The following ARPC1A variants were observed in gnomAD, a reference collection of about 807,000 sequenced individuals.
The protein encoded by ARPC1A is actin-related protein 2/3 complex subunit 1A.
ARPC1A carries 8 observed loss-of-function variants against 46.9 expected under a neutral mutation model. The observed-to-expected ratio is 0.17, with a 90% CI of 0.10 to 0.31. The LOEUF (loss-of-function observed/expected upper bound fraction) is 0.31, where lower values mean the gene tolerates loss of function less well. ARPC1A is among the 10% of genes least tolerant of loss of function. The pLI, the probability that ARPC1A is intolerant of heterozygous loss-of-function variation, is 1.00. For missense variants in ARPC1A, 286 were observed against 483.6 expected (o/e 0.59, Z 3.83); for synonymous variants, 152 against 169.0 (o/e 0.90, Z 0.78).
At chr7:99,352,573 T>C (rs1793561319) in intron 5 of ARPC1A, among the ~76,000 whole-genome samples, 1 of 151,678 alleles carries the variant, frequency 6.6e-6, no homozygotes, top group African/African-American at 2.4e-5. Context: ...GGAGGATCAC[T>C]TGAGCCCAGA....
intron 6 of ARPC1A, 94 bp from the exon 7 acceptor site, chr7:99,358,246 G>T: frequency 8.1e-7 from 1 of 1,241,356 alleles, no homozygotes; most frequent in Non-Finnish European, 1.2e-6. Flanking sequence ...TACTGCAGAA[G>T]CCCCTGTGAG....
chr7:99,364,356 T>C (rs1233829174), intron 9 of ARPC1A, among the ~76,000 whole-genome samples: 2 of 138,990 alleles, frequency 1.4e-5, no homozygotes, highest in Non-Finnish European at 3.0e-5. Flanking sequence ...CACCACAACC[T>C]CCGCCTCTGG....
chr7:99,353,117 TGTTATGTTATG>T lies in ARPC1A; in HGVS notation c.501-791_501-781del. On this transcript the variant is annotated intron_variant, in intron 5 of 9. Transcript: ENST00000262942. ...TTTTAGTTTAGTTTAGTTTAGTTTA[TGTTATGTTATG>T]TTATGTTATGTTATGTTATGTTATG... Among the ~76,000 whole-genome samples the T allele has an allele frequency of 9.8e-5, 3 of 30,480 alleles. No homozygotes were observed. In the African/African-American group the frequency reaches 1.2e-3, roughly 12 times the overall value. 20.0% of individuals were successfully genotyped at this position (30,480 alleles called of 152,430 possible).
chr7:99,349,885 C>G (rs1307557958), intron 5 of ARPC1A, among the ~76,000 whole-genome samples: 1 of 151,718 alleles, frequency 6.6e-6, no homozygotes, highest in Non-Finnish European at 1.5e-5. Flanking sequence ...GTCACAAATG[C>G]CTGTAATCCC....
chr7:99,340,138 T>C, intron 3 of ARPC1A: 3 of 401,078 alleles, frequency 7.5e-6, no homozygotes, highest in South Asian at 5.1e-5. Flanking sequence ...AGTTTTTGTC[T>C]TTTTTCTGTT....
Position 99,333,202 on chromosome 7 carries a change from T to C in ARPC1A, c.-29-123T>C. 4.3e-6 allele frequency: 3 copies of C among 704,844 alleles called. No homozygotes were observed. The Admixed American group carries it at 8.1e-5, about 19-fold the overall frequency. The allele number at this position is 704,844 out of a possible 1,614,324, so 43.7% of individuals were successfully genotyped here. A position where few individuals can be genotyped will look rare whatever the true frequency, so the allele number is the denominator to read the frequency against. ...GAGCCACCGTGCCTGGCCAGATTAT[T>C]TTTTAATGGGAGGACAATGTTTTAT... On this transcript the variant is annotated intron_variant, in intron 1 of 9. Transcript: ENST00000262942.
chr7:99,332,767 A>G (rs1793167230), intron 1 of ARPC1A, among the ~76,000 whole-genome samples: 1 of 151,200 alleles, frequency 6.6e-6, no homozygotes, highest in South Asian at 2.1e-4. Flanking sequence ...ATGCCCGGCT[A>G]ATTTTTTGTA....
intron 8 of ARPC1A, 134 bp downstream of exon 8, chr7:99,359,872 A>C: frequency 9.4e-7 from 1 of 1,059,814 alleles, no homozygotes; most frequent in South Asian, 1.5e-5. Flanking sequence ...TGCAGCAAGA[A>C]GTCTGTATCT....
At chr7:99,364,218 G>T (rs1793789033) in intron 9 of ARPC1A, among the ~76,000 whole-genome samples, 1 of 150,948 alleles carries the variant, frequency 6.6e-6, no homozygotes, top group Non-Finnish European at 1.5e-5. Flanking sequence ...GCCTCCCAAA[G>T]TGGTGGGATT....
intron 7 of ARPC1A, 68 bp from the exon 8 acceptor site, chr7:99,359,477 G>C: frequency 1.4e-6 from 2 of 1,401,670 alleles, no homozygotes; most frequent in Non-Finnish European, 2.0e-6. Context: ...CTGTCGTGGT[G>C]AACACTCTGC....
At chr7:99,334,598 A>C (rs1439783187) in intron 2 of ARPC1A, among the ~76,000 whole-genome samples, 1 of 152,004 alleles carries the variant, frequency 6.6e-6, no homozygotes, top group Non-Finnish European at 1.5e-5. Context: ...ATTTTGAGTT[A>C]ATTTTTGTGT....
At chr7:99,339,671 A>G (rs1793326967) in intron 3 of ARPC1A, among the ~76,000 whole-genome samples, 1 of 152,202 alleles carries the variant, frequency 6.6e-6, no homozygotes, top group Non-Finnish European at 1.5e-5. Flanking sequence ...GTTGCTGTCT[A>G]GATCAAGTTT....
chr7:99,344,920 CTTTTTTTTTTTTTTT>C (rs1172071932), intron 4 of ARPC1A, among the ~76,000 whole-genome samples: 24 of 20,110 alleles, frequency 1.2e-3, no homozygotes, highest in African/African-American at 4.4e-3. Flanking sequence ...TAACAATGTT[CTTTTTTTTTTTTTTT>C]TTTTTTTTTT....
intron 8 of ARPC1A, among the ~76,000 whole-genome samples, chr7:99,362,064 G>T (rs1459725266): frequency 1.3e-5 from 2 of 152,104 alleles, no homozygotes; most frequent in African/African-American, 2.4e-5. Flanking sequence ...GGAGGCTGGG[G>T]TGGGCGGATC....
intron 8 of ARPC1A, chr7:99,363,340 G>A: frequency 3.7e-6 from 2 of 536,362 alleles, no homozygotes. Flanking sequence ...AGCATTTTGG[G>A]AGACTGAGGC....
At chr7:99,334,415 C>A (rs1441719440) in intron 2 of ARPC1A, among the ~76,000 whole-genome samples, 1 of 151,774 alleles carries the variant, frequency 6.6e-6, no homozygotes, top group Non-Finnish European at 1.5e-5. Context: ...ACAGAAAGAG[C>A]AGGATTGGGG....
intron 9 of ARPC1A, 58 bp downstream of exon 9, chr7:99,363,691 T>TA: frequency 3.7e-6 from 4 of 1,088,528 alleles, no homozygotes; most frequent in Non-Finnish European, 3.9e-6. Flanking sequence ...TTTTTTTTTT[T>TA]AAGAGATAGG....
At chr7:99,335,507 G>A (rs1222513529) in intron 2 of ARPC1A, 3 of 349,470 alleles carry the variant, frequency 8.6e-6, no homozygotes, top group South Asian at 2.0e-5. Flanking sequence ...ATCAAGAAGT[G>A]TAAGTTCCAA....
At chr7:99,345,163 G>A (rs1793426326) in intron 4 of ARPC1A, among the ~76,000 whole-genome samples, 1 of 151,504 alleles carries the variant, frequency 6.6e-6, no homozygotes, top group African/African-American at 2.4e-5. Flanking sequence ...ATGAACTCCT[G>A]ACCTCATGAT....
Sources: gnomAD v4.1 joint callset for allele counts (sites outside exome capture counted in the v4.1 genomes callset) on GRCh38, gnomAD v4.1.1 for gene constraint, MANE v1.5 for transcripts, NCBI Gene and HGNC (gene_info 2026-07-23, HGNC 2026-07-21) for gene names.